POLR1A: variants seen among roughly 807,000 people sequenced by gnomAD.
The protein encoded by POLR1A is DNA-directed RNA polymerase I subunit RPA1.
In POLR1A, 84 loss-of-function variants were observed where a neutral mutation model predicts 205.3. That is an observed-to-expected ratio of 0.41 (90% CI 0.34 to 0.49). POLR1A has a LOEUF of 0.49. Among genes scored for constraint, POLR1A ranks in the 20% least tolerant of loss-of-function variants. The pLI is 0.22. For synonymous variants in POLR1A, 799 were observed against 863.7 expected, an observed-to-expected ratio of 0.93 and a Z score of 1.31; for missense variants, 1,645 against 2,204.5, an observed-to-expected ratio of 0.75 and a Z score of 5.08.
intron 6 of POLR1A, among the ~76,000 whole-genome samples, chr2:86,085,585 TGAA>T (rs1006731748): frequency 3.9e-5 from 6 of 152,326 alleles, no homozygotes; most frequent in South Asian, 2.1e-4. Flanking sequence ...TTGGAAATGC[TGAA>T]GAAGATCGGT....
intron 14 of POLR1A, among the ~76,000 whole-genome samples, chr2:86,057,329 T>C (rs1322824385): frequency 1.3e-5 from 2 of 152,236 alleles, no homozygotes; most frequent in African/African-American, 4.8e-5. Flanking sequence ...GGTGAAAATG[T>C]GGAGTAACTG....
rs369789360 is a variant in POLR1A at position 86,031,419 on chromosome 2, C to T, written c.4489G>A (p.Ala1497Thr). ...ACAGCCTGGACCCGGCGCTCCATGGCCTCGGGCCCCTGGGGCTCCTGGCTG... is the reference window on the plus strand; with the variant it reads ...ACAGCCTGGACCCGGCGCTCCATGGTCTCGGGCCCCTGGGGCTCCTGGCTG... ...THSQEPQGPE[A>T]MERRVQAVRE... Residue 1497 changes from alanine to threonine, a missense_variant, in exon 30 of 34, where the codon GCC (alanine) becomes ACC (threonine). Around this residue, in one of 16 missense-constraint regions of POLR1A, gnomAD observed 394 missense variants for 468.5 expected, o/e 0.84. Coordinates refer to ENST00000263857, the MANE Select transcript of POLR1A (RefSeq NM_015425.6). 6 of 1,613,644 alleles carry T rather than the reference C, an allele frequency of 3.7e-6. No homozygotes were observed. In the African/African-American group the frequency reaches 8.0e-5, roughly 22 times the overall value.
rs1673066239 is a variant in POLR1A at position 86,065,255 on chromosome 2, G to A, written c.2058+19C>T. 1.2e-6 allele frequency: 2 copies of A among 1,606,394 alleles called. No individual in the cohort carries two copies. The highest frequency in any genetic ancestry group is 1.7e-5 in the Admixed American group (1 of 59,252). ...CTATTTCCTTTTGTTACATACACTG[G>A]CTGTTCTCTCCCAATTACCTGTTTT... is the stretch of plus-strand genomic sequence containing the variant. On this transcript the variant is annotated intron_variant, in intron 14 of 33. Transcript: ENST00000263857.
intron 6 of POLR1A, among the ~76,000 whole-genome samples, chr2:86,086,510 A>G: frequency 6.6e-6 from 1 of 152,210 alleles, no homozygotes; most frequent in East Asian, 1.9e-4. Context: ...CAGCCCCTTC[A>G]GAGAGCAGAG....
At chr2:86,099,661 T>C (rs970742160) in intron 2 of POLR1A, among the ~76,000 whole-genome samples, 3 of 152,082 alleles carry the variant, frequency 2.0e-5, no homozygotes, top group Non-Finnish European at 4.4e-5. Flanking sequence ...CTGAGATTTC[T>C]GAAGAGCACA....
chr2:86,049,301 C>T (rs767294147), intron 16 of POLR1A, 59 bp from the exon 17 acceptor site: 1 of 1,232,532 alleles, frequency 8.1e-7, no homozygotes, highest in Admixed American at 1.7e-5. Context: ...TCCCACCAGA[C>T]TAAACTCAGT....
At chr2:86,037,572 T>G (rs950188715) in intron 27 of POLR1A, among the ~76,000 whole-genome samples, 1 of 152,218 alleles carries the variant, frequency 6.6e-6, no homozygotes, top group African/African-American at 2.4e-5. Context: ...GCAGGGAGCT[T>G]TCTGCTTCTG....
intron 3 of POLR1A, among the ~76,000 whole-genome samples, chr2:86,090,629 GTGCTGTGC>G (rs1673585503): frequency 6.6e-6 from 1 of 152,230 alleles, no homozygotes; most frequent in African/African-American, 2.4e-5. Flanking sequence ...CAGGGCTTTG[GTGCTGTGC>G]TGAAGCAGGA....
intron 14 of POLR1A, among the ~76,000 whole-genome samples, chr2:86,054,695 G>A (rs1672864785): frequency 6.6e-6 from 1 of 152,190 alleles, no homozygotes. Context: ...CTACTGAAAA[G>A]CCAAGGAATC....
At chr2:86,086,769 C>T (rs916666366) in intron 6 of POLR1A, among the ~76,000 whole-genome samples, 5 of 152,208 alleles carry the variant, frequency 3.3e-5, no homozygotes, top group South Asian at 2.1e-4. Flanking sequence ...ACTTACCTGC[C>T]GGACATTTGC....
intron 3 of POLR1A, among the ~76,000 whole-genome samples, chr2:86,095,644 G>C (rs1380215562): frequency 6.6e-6 from 1 of 151,910 alleles, no homozygotes; most frequent in Non-Finnish European, 1.5e-5. Context: ...TAACCAGCCA[G>C]AGAAATTAGG....
At chr2:86,041,255 G>GTGTGTGTGTGTGCTGATCTACAGTGTC (rs1175811238) in intron 24 of POLR1A, among the ~76,000 whole-genome samples, 8 of 149,494 alleles carry the variant, frequency 5.4e-5, no homozygotes, top group African/African-American at 1.2e-4. Context: ...CTGTGTGTGT[G>GTGTGTGTGTGTGCTGATCTACAGTGTC]TGTGTGTGTG....
chr2:86,094,143 C>T (rs1573835460), intron 3 of POLR1A, among the ~76,000 whole-genome samples: 1 of 152,104 alleles, frequency 6.6e-6, no homozygotes, highest in Non-Finnish European at 1.5e-5. Context: ...GAAGTCTTTT[C>T]CATGGTAAAG....
chr2:86,097,667 A>G (rs1673731690), intron 3 of POLR1A, among the ~76,000 whole-genome samples: 1 of 152,238 alleles, frequency 6.6e-6, no homozygotes, highest in South Asian at 2.1e-4. Flanking sequence ...GTTCCTACTC[A>G]TATGTGGAAG....
At chr2:86,055,909 A>G (rs563422524) in intron 14 of POLR1A, among the ~76,000 whole-genome samples, 1 of 152,208 alleles carries the variant, frequency 6.6e-6, no homozygotes, top group Non-Finnish European at 1.5e-5. Flanking sequence ...TCTATTCAAC[A>G]ATGTACTAGA....
At chr2:86,039,593 G>T in intron 25 of POLR1A, 131 bp from the exon 26 acceptor site, 1 of 1,085,136 alleles carries the variant, frequency 9.2e-7, no homozygotes, top group Non-Finnish European at 1.4e-6. Context: ...GGGATAATAT[G>T]CTAGATCAGA....
At position 86,052,851 on chromosome 2, in the gene POLR1A, G is replaced by A. The variant is rs774659035; in HGVS notation, c.2358C>T (p.Thr786=). 1.2e-5 allele frequency: 19 copies of A among 1,589,292 alleles called. No individual in the cohort carries two copies. Among genetic ancestry groups the A allele is most frequent in the Admixed American group, 8.8e-5 (5 of 56,992 alleles). Residue 786 remains threonine (T), a synonymous_variant, in exon 16 of 34, where the codon ACC becomes ACT. Coordinates refer to ENST00000263857, the MANE Select transcript of POLR1A (RefSeq NM_015425.6). ...AGCCTCTGTAGAGCTGCAGGTAGGCGGTGAAGAGGCGGGCCAGGCAGGTTA... is the reference window on the plus strand; with the variant it reads ...AGCCTCTGTAGAGCTGCAGGTAGGCAGTGAAGAGGCGGGCCAGGCAGGTTA... ...KVLTCLARLF[T]AYLQLYRGFT...
At position 86,039,467 on chromosome 2, in the gene POLR1A, C is replaced by A; in HGVS notation, c.3741-5G>T. ...ACCATGAGAATCTCCCGCAACCTGT[C>A]ACAGAATAAGGGCACATCCAATCAT... On this transcript the variant is annotated splice_polypyrimidine_tract_variant and splice_region_variant and intron_variant, in intron 25 of 33. Transcript: ENST00000263857. The A allele has an allele frequency of 6.2e-7, 1 of 1,614,128 alleles. No individual in the cohort carries two copies.
intron 25 of POLR1A, 29 bp from the exon 26 acceptor site, chr2:86,039,491 A>G: frequency 1.2e-6 from 2 of 1,613,748 alleles, no homozygotes; most frequent in African/African-American, 2.7e-5. Context: ...ACATCCAATC[A>G]TGAGTGGCAA....
Sources: allele counts gnomAD v4.1 joint callset (sites outside exome capture counted in the v4.1 genomes callset), GRCh38; gene constraint gnomAD v4.1.1; regional missense constraint gnomAD v4.1.1; transcripts MANE v1.5; gene names NCBI Gene and HGNC (gene_info 2026-07-23, HGNC 2026-07-21).